The following CDIN1 variants were observed in gnomAD, a reference collection of about 807,000 sequenced individuals.
The protein encoded by CDIN1 is CDAN1-interacting nuclease 1.
CDIN1 carries 33 observed loss-of-function variants against 45.3 expected under a neutral mutation model. That is an observed-to-expected ratio of 0.73 (90% CI 0.55 to 0.97). The LOEUF is 0.97. Ranked by LOEUF, CDIN1 falls within the 50% of genes least tolerant of loss-of-function variation. The pLI is 0.00. For synonymous variants in CDIN1, 118 were observed against 124.4 expected (o/e 0.95, Z 0.34); for missense variants, 303 against 339.4 (o/e 0.89, Z 0.84).
intron 1 of CDIN1, among the ~76,000 whole-genome samples, chr15:36,603,434 G>T (rs774080390): frequency 6.6e-6 from 1 of 152,144 alleles, no homozygotes. Flanking sequence ...TTTCTTATTT[G>T]CTTAGAAAGG....
At chr15:36,691,108 GT>G (rs2042234078) in intron 5 of CDIN1, 39 of 514,442 alleles carry the variant, frequency 7.6e-5, no homozygotes, top group South Asian at 5.5e-4. Flanking sequence ...AATTCAGTCA[GT>G]TTTACCTACT....
chr15:36,778,395 C>T (rs2054272087), intron 10 of CDIN1, among the ~76,000 whole-genome samples: 1 of 152,156 alleles, frequency 6.6e-6, no homozygotes, highest in South Asian at 2.1e-4. Flanking sequence ...TCATTTTACC[C>T]TCTGCTACCT....
chr15:36,602,207 C>T (rs1381134821), intron 1 of CDIN1, among the ~76,000 whole-genome samples: 3 of 152,218 alleles, frequency 2.0e-5, no homozygotes, highest in Admixed American at 1.3e-4. Flanking sequence ...AGGCTATCAG[C>T]GCCTGCATCT....
chr15:36,720,138 G>T (rs1316450743), intron 10 of CDIN1, among the ~76,000 whole-genome samples: 1 of 149,446 alleles, frequency 6.7e-6, no homozygotes, highest in African/African-American at 2.5e-5. Flanking sequence ...TTCTTTTTGT[G>T]TATTAATTTC....
At chr15:36,631,723 T>G (rs1190021396) in intron 1 of CDIN1, among the ~76,000 whole-genome samples, 2 of 152,242 alleles carry the variant, frequency 1.3e-5, no homozygotes, top group African/African-American at 4.8e-5. Context: ...CATTTGTGTA[T>G]AGACTTTTGT....
At chr15:36,647,290 G>T (rs939089964) in intron 3 of CDIN1, among the ~76,000 whole-genome samples, 1 of 152,118 alleles carries the variant, frequency 6.6e-6, no homozygotes, top group East Asian at 1.9e-4. Context: ...CTCCCAAAGT[G>T]CTGGGATTAC....
intron 1 of CDIN1, among the ~76,000 whole-genome samples, chr15:36,619,502 TC>T (rs2039059069): frequency 6.6e-6 from 1 of 151,936 alleles, no homozygotes; most frequent in South Asian, 2.1e-4. Context: ...TATCTATCTA[TC>T]TATCTATCTA....
chr15:36,734,343 G>A (rs552179042), intron 10 of CDIN1: 2 of 426,526 alleles, frequency 4.7e-6, no homozygotes, highest in Admixed American at 2.8e-5. Flanking sequence ...CTATGTAGTC[G>A]GGTATAAGAA....
chr15:36,633,753 CT>C (rs111912823), intron 1 of CDIN1, among the ~76,000 whole-genome samples: 16,553 of 142,754 alleles, frequency 0.12, 890 homozygotes, highest in Middle Eastern at 0.15. Flanking sequence ...ACCCATGATA[CT>C]TTTTTTTTTT....
intron 1 of CDIN1, among the ~76,000 whole-genome samples, chr15:36,603,259 C>T (rs1052888840): frequency 2.2e-4 from 34 of 152,168 alleles, no homozygotes; most frequent in African/African-American, 7.7e-4. Context: ...GACACATTCC[C>T]TTTAACTAAC....
At chr15:36,647,320 T>C (rs950950562) in intron 3 of CDIN1, among the ~76,000 whole-genome samples, 3 of 152,132 alleles carry the variant, frequency 2.0e-5, no homozygotes, top group Non-Finnish European at 2.9e-5. Flanking sequence ...CCACTGTGCC[T>C]GGCCCAGAAA....
At chr15:36,717,178 G>A (rs542281285) in intron 10 of CDIN1, among the ~76,000 whole-genome samples, 3 of 152,062 alleles carry the variant, frequency 2.0e-5, no homozygotes, top group Admixed American at 6.6e-5. Context: ...ACTTTATTGC[G>A]GTATAACTGA....
At chr15:36,704,387 C>T (rs372647832) in intron 8 of CDIN1, 2 of 151,956 alleles carry the variant, frequency 1.3e-5, no homozygotes, top group African/African-American at 4.8e-5. Context: ...TATTGGTCTC[C>T]CCATTAAATG....
intron 5 of CDIN1, among the ~76,000 whole-genome samples, chr15:36,676,187 A>G (rs944123297): frequency 2.0e-5 from 3 of 152,140 alleles, no homozygotes; most frequent in African/African-American, 7.2e-5. Context: ...ATCGTTTAAC[A>G]TGCCTTGAAA....
intron 10 of CDIN1, among the ~76,000 whole-genome samples, chr15:36,786,406 C>T (rs888825151): frequency 2.0e-5 from 3 of 152,118 alleles, no homozygotes; most frequent in African/African-American, 4.8e-5. Flanking sequence ...ATTTTTTAAT[C>T]GTAGTTGTTT....
intron 1 of CDIN1, chr15:36,619,220 C>G: frequency 7.6e-7 from 1 of 1,320,580 alleles, no homozygotes; most frequent in Non-Finnish European, 1.0e-6. Context: ...CAGGGAGTGA[C>G]ATGACGTAAT....
At chr15:36,671,128 G>T (rs118077004) in intron 5 of CDIN1, among the ~76,000 whole-genome samples, 8 of 152,260 alleles carry the variant, frequency 5.3e-5, no homozygotes, top group Non-Finnish European at 1.0e-4. Context: ...ACATTAATGT[G>T]TGGCCTTATT....
chr15:36,584,753 C>G (rs934506748), intron 1 of CDIN1, among the ~76,000 whole-genome samples: 1 of 152,112 alleles, frequency 6.6e-6, no homozygotes, highest in East Asian at 1.9e-4. Context: ...TCTGCAGACA[C>G]GTACATCATT....
chr15:36,746,669 C>CACACACACACA (rs2044448487), intron 10 of CDIN1, among the ~76,000 whole-genome samples: 7 of 141,502 alleles, frequency 4.9e-5, no homozygotes, highest in Admixed American at 3.6e-4. Flanking sequence ...ATATATGGTT[C>CACACACACACA]CACACACACA....
Sources: allele counts gnomAD v4.1 joint callset (sites outside exome capture counted in the v4.1 genomes callset), GRCh38; gene constraint gnomAD v4.1.1; transcripts MANE v1.5; gene names NCBI Gene and HGNC (gene_info 2026-07-23, HGNC 2026-07-21).